Variants in PRKN observed in about 807,000 individuals in gnomAD.
PRKN encodes the protein parkin RBR E3 ubiquitin protein ligase, also known as E3 ubiquitin-protein ligase parkin.
A neutral mutation model predicts 59.5 loss-of-function variants in PRKN; 56 were observed. The ratio of observed to expected loss-of-function variants is 0.94; its 90% CI spans 0.76 to 1.18. PRKN has a LOEUF of 1.18. Among genes scored for constraint, PRKN ranks in the 50% most tolerant of loss-of-function variants. The probability of loss-of-function intolerance (pLI) is 0.00; values close to 1 mark genes in which losing one functional copy is unlikely to be tolerated. For synonymous variants in PRKN, 250 were observed against 222.1 expected, an observed-to-expected ratio of 1.13 and a Z score of -1.12; for missense variants, 657 against 596.4, an observed-to-expected ratio of 1.10 and a Z score of -1.06.
intron 7 of PRKN, among the ~76,000 whole-genome samples, chr6:161,737,548 A>G (rs2180025): frequency 0.51 from 77,069 of 152,062 alleles, 19,956 homozygotes; most frequent in East Asian, 0.79. Context: ...TATGGCATTC[A>G]ATGCTGTATG....
At chr6:162,060,948 C>G (rs1439754327) in intron 4 of PRKN, among the ~76,000 whole-genome samples, 1 of 152,108 alleles carries the variant, frequency 6.6e-6, no homozygotes, top group Admixed American at 6.6e-5. Context: ...GTGTCAGGGA[C>G]TAAAATAATT....
chr6:162,418,985 G>A (rs1459664534), intron 2 of PRKN, among the ~76,000 whole-genome samples: 2 of 151,916 alleles, frequency 1.3e-5, no homozygotes, highest in Non-Finnish European at 2.9e-5. Flanking sequence ...GCAGGCACAA[G>A]GGAACATACA....
chr6:162,617,040 T>A (rs1245240646), intron 1 of PRKN, among the ~76,000 whole-genome samples: 1 of 152,140 alleles, frequency 6.6e-6, no homozygotes, highest in Non-Finnish European at 1.5e-5. Context: ...TTAAGTTAGA[T>A]CTTAAAATTT....
chr6:161,814,262 A>T (rs928321569), intron 6 of PRKN, among the ~76,000 whole-genome samples: 4 of 152,220 alleles, frequency 2.6e-5, no homozygotes, highest in Non-Finnish European at 4.4e-5. Context: ...GACAAAGAAT[A>T]CACAAAAATG....
intron 7 of PRKN, among the ~76,000 whole-genome samples, chr6:161,728,015 A>T (rs1377553328): frequency 6.6e-6 from 1 of 152,200 alleles, no homozygotes; most frequent in Non-Finnish European, 1.5e-5. Flanking sequence ...TTCCAGTGGA[A>T]GATGCCCGTC....
intron 5 of PRKN, among the ~76,000 whole-genome samples, chr6:162,021,457 A>AT (rs749955141): frequency 1.2e-5 from 1 of 83,766 alleles, no homozygotes; most frequent in African/African-American, 4.9e-5. Context: ...ATATATATAT[A>AT]TATATTTTTT....
chr6:162,503,970 A>C (rs1422191701), intron 1 of PRKN, among the ~76,000 whole-genome samples: 1 of 152,212 alleles, frequency 6.6e-6, no homozygotes. Context: ...ATTTTTTAAG[A>C]AGCAGAGAAG....
intron 6 of PRKN, among the ~76,000 whole-genome samples, chr6:161,861,738 T>C (rs893041856): frequency 6.6e-6 from 1 of 152,028 alleles, no homozygotes; most frequent in African/African-American, 2.4e-5. Flanking sequence ...GTTTTTTCCA[T>C]TCAACTAAGA....
At chr6:162,373,468 C>T (rs1785879740) in intron 2 of PRKN, among the ~76,000 whole-genome samples, 1 of 152,114 alleles carries the variant, frequency 6.6e-6, no homozygotes, top group Admixed American at 6.6e-5. Flanking sequence ...ACCCTGAGTA[C>T]TTTCTTTTCC....
intron 3 of PRKN, among the ~76,000 whole-genome samples, chr6:162,246,047 C>T (rs1219682136): frequency 6.6e-6 from 1 of 152,118 alleles, no homozygotes; most frequent in Non-Finnish European, 1.5e-5. Flanking sequence ...GCTATAAATT[C>T]TCTACATGGC....
intron 6 of PRKN, among the ~76,000 whole-genome samples, chr6:161,797,314 C>T (rs113700775): frequency 3.1e-4 from 47 of 152,094 alleles, no homozygotes; most frequent in African/African-American, 9.7e-4. Flanking sequence ...TGCAGTGGCA[C>T]GATCTTGGCT....
intron 1 of PRKN, among the ~76,000 whole-genome samples, chr6:162,587,106 G>A (rs1481340072): frequency 6.6e-6 from 1 of 152,118 alleles, no homozygotes; most frequent in African/African-American, 2.4e-5. Flanking sequence ...GTTTTTATAA[G>A]AACATAACAT....
At position 161,551,790 on chromosome 6, in the gene PRKN, G is replaced by C. The variant is rs1780028829; in HGVS notation, c.934-2787C>G. ...GTTGTAAAGGATTTTCGAAAATGGA[G>C]AAATAACGATATGATACTATGCTGA... On this transcript the variant is annotated intron_variant, in intron 8 of 11. Transcript: ENST00000366898. The surrounding 1 kb of genome is among the most constrained non-coding windows in gnomAD (Gnocchi z 5.2). Among the ~76,000 whole-genome samples the C allele has an allele frequency of 6.6e-6, 1 of 152,190 alleles. No individual in the cohort carries two copies.
chr6:162,547,287 T>C (rs1055479840), intron 1 of PRKN, among the ~76,000 whole-genome samples: 1 of 152,198 alleles, frequency 6.6e-6, no homozygotes, highest in Admixed American at 6.5e-5. Context: ...CATCTATATG[T>C]CACATACGAA....
chr6:162,396,050 A>G (rs1049089168), intron 2 of PRKN, among the ~76,000 whole-genome samples: 2 of 152,166 alleles, frequency 1.3e-5, no homozygotes, highest in South Asian at 4.1e-4. Context: ...ATGTAGACAA[A>G]GCGAATCGAA....
At chr6:162,626,337 C>T (rs1782891834) in intron 1 of PRKN, among the ~76,000 whole-genome samples, 1 of 152,086 alleles carries the variant, frequency 6.6e-6, no homozygotes, top group Non-Finnish European at 1.5e-5. Flanking sequence ...AACACAAGAC[C>T]TCTCAGGGAC....
rs1791309077 is a variant in PRKN, at chr6:161,480,003, C to CT, written c.1083+68850dup. Among the ~76,000 whole-genome samples the CT allele has an allele frequency of 6.6e-6, 1 of 152,230 alleles. No individual in the cohort carries two copies. The highest frequency in any genetic ancestry group is 1.5e-5 in the Non-Finnish European group (1 of 68,040). ...GGGCCAGCACACAATTCCTTGCTCC[C>CT]TTCCCTCTGGTGCGGGATCATGGAA... On this transcript the variant is annotated intron_variant, in intron 9 of 11. Transcript: ENST00000366898. The surrounding 1 kb of genome is among the most constrained non-coding windows in gnomAD (Gnocchi z 4.1).
intron 4 of PRKN, among the ~76,000 whole-genome samples, chr6:162,138,015 C>T (rs1362193105): frequency 6.6e-6 from 1 of 151,392 alleles, no homozygotes; most frequent in Non-Finnish European, 1.5e-5. Context: ...AAGGGAGACA[C>T]CAAACAAAGC....
intron 1 of PRKN, among the ~76,000 whole-genome samples, chr6:162,444,889 A>G (rs1790235038): frequency 6.6e-6 from 1 of 152,146 alleles, no homozygotes; most frequent in African/African-American, 2.4e-5. Flanking sequence ...ACCACAGACC[A>G]TATTATTCGG....
Sources: gnomAD v4.1 joint callset for allele counts (sites outside exome capture counted in the v4.1 genomes callset) on GRCh38, gnomAD v4.1.1 for gene constraint, Gnocchi (gnomAD v3.1) non-coding constraint, MANE v1.5 for transcripts, NCBI Gene and HGNC (gene_info 2026-07-23, HGNC 2026-07-21) for gene names.